Variants in DCK observed in about 807,000 individuals in gnomAD.
DCK encodes the protein deoxycytidine kinase, also known as deoxyadenosine kinase.
A neutral mutation model predicts 38.3 loss-of-function variants in DCK; 23 were observed. The observed-to-expected ratio is 0.60, with a 90% confidence interval of 0.43 to 0.85. DCK has a LOEUF of 0.85. DCK is among the 40% of genes least tolerant of loss of function. DCK has a pLI of 0.00. For synonymous variants in DCK, 108 were observed against 100.6 expected (o/e 1.07, Z -0.44); for missense variants, 259 against 304.4 (o/e 0.85, Z 1.11).
At chr4:70,998,005 C>A in intron 1 of DCK, 62 bp from the exon 2 acceptor site, 1 of 748,198 alleles carries the variant, frequency 1.3e-6, no homozygotes, top group Non-Finnish European at 2.2e-6. Flanking sequence ...AAGCTAATGA[C>A]TACTTGACAT....
chr4:70,993,990 C>A, intron 1 of DCK, 64 bp downstream of exon 1: 2 of 1,162,554 alleles, frequency 1.7e-6, no homozygotes, highest in Non-Finnish European at 2.6e-6. Context: ...TGAAGCTTCC[C>A]TTCGCCGCAT....
chr4:71,013,606 A>G (rs1029685138), intron 2 of DCK, among the ~76,000 whole-genome samples: 2 of 152,210 alleles, frequency 1.3e-5, no homozygotes, highest in Non-Finnish European at 2.9e-5. Context: ...GCCAATATTC[A>G]ACATTCTTAA....
At chr4:71,026,417 A>G (rs1047330488) in intron 5 of DCK, among the ~76,000 whole-genome samples, 2 of 151,958 alleles carry the variant, frequency 1.3e-5, no homozygotes, top group African/African-American at 4.8e-5. Context: ...ATTGACTGCT[A>G]TTTGTTTTTG....
Position 70,993,680 on chromosome 4 carries a change from C to A in DCK, c.-156C>A. 1.7e-6 allele frequency: 1 copy of A among 575,854 alleles called. No homozygotes were observed. The highest frequency in any genetic ancestry group is 3.0e-6 in the Non-Finnish European group (1 of 327,976). The allele number at this position is 575,854 out of a possible 1,614,324, so 35.7% of individuals were successfully genotyped here. A position where few individuals can be genotyped will look rare whatever the true frequency, so the allele number is the denominator to read the frequency against. On this transcript the variant is annotated 5_prime_UTR_variant, in exon 1 of 7. Coordinates refer to ENST00000286648, the MANE Select transcript of DCK (RefSeq NM_000788.3). ...CTCAGCTGCCTCCGCGCGCCAAAGT[C>A]AAACCCCGACACCCGCCGGCGGGCC...
chr4:71,023,027 A>T (rs1740467128), intron 3 of DCK, among the ~76,000 whole-genome samples: 1 of 152,180 alleles, frequency 6.6e-6, no homozygotes, highest in Non-Finnish European at 1.5e-5. Flanking sequence ...ATTCTTAATA[A>T]CTATCGAGGT....
chr4:71,007,990 G>C (rs1560682076), intron 2 of DCK, among the ~76,000 whole-genome samples: 1 of 152,202 alleles, frequency 6.6e-6, no homozygotes, highest in Admixed American at 6.5e-5. Context: ...GCCTCCCAGA[G>C]TGTTGGGATT....
chr4:70,998,371 T>C (rs745638207), intron 2 of DCK, among the ~76,000 whole-genome samples, 189 bp downstream of exon 2: 1 of 152,134 alleles, frequency 6.6e-6, no homozygotes, highest in African/African-American at 2.4e-5. Flanking sequence ...CAGATTGATA[T>C]GGATTCAACC....
At chr4:70,998,024 C>A in intron 1 of DCK, 43 bp from the exon 2 acceptor site, 1 of 1,055,088 alleles carries the variant, frequency 9.5e-7, no homozygotes, top group South Asian at 1.5e-5. Context: ...ATCTTTTTTT[C>A]CTGACAACTT....
Position 71,029,631 on chromosome 4 carries a change from G to T in DCK, c.*253G>T, listed in dbSNP as rs1030048088. 6 of 411,160 alleles carry T rather than the reference G, an allele frequency of 1.5e-5. No individual in the cohort carries two copies. The highest frequency in any genetic ancestry group is 2.6e-5 in the Non-Finnish European group (6 of 230,978). The allele number at this position is 411,160 out of a possible 1,614,324, so 25.5% of individuals were successfully genotyped here. ...ATAGCAGGAAATGTAGAGGTAGATG[G>T]TTCCAGTATCAGCATAGTGACTAAA... On this transcript the variant is annotated 3_prime_UTR_variant, in exon 7 of 7. Coordinates refer to ENST00000286648, the MANE Select transcript of DCK (RefSeq NM_000788.3).
chr4:71,002,903 T>A (rs1739846544), intron 2 of DCK, among the ~76,000 whole-genome samples: 1 of 151,524 alleles, frequency 6.6e-6, no homozygotes, highest in Non-Finnish European at 1.5e-5. Flanking sequence ...GGGTCTTAAC[T>A]CTGTCTAATT....
chr4:71,008,646 T>A (rs1396777544), intron 2 of DCK, among the ~76,000 whole-genome samples: 1 of 152,210 alleles, frequency 6.6e-6, no homozygotes, highest in African/African-American at 2.4e-5. Context: ...TAAACCAATG[T>A]TGGAAAATAG....
chr4:70,998,285 G>A (rs1185347572), intron 2 of DCK, 103 bp downstream of exon 2: 9 of 542,902 alleles, frequency 1.7e-5, no homozygotes, highest in South Asian at 3.2e-5. Context: ...TTCAAATCTC[G>A]CTTTAGGTAT....
At position 71,029,463 on chromosome 4, in the gene DCK, T is replaced by G. The variant is rs1740633951; in HGVS notation, c.*85T>G. Reference sequence around the variant, plus strand: ...GTAACTTCATATTAATATAAGTTTCTTTAGAAAACCCAAGTTTTTAATCGT... The same window carrying G: ...GTAACTTCATATTAATATAAGTTTCGTTAGAAAACCCAAGTTTTTAATCGT... On this transcript the variant is annotated 3_prime_UTR_variant, in exon 7 of 7. Transcript: ENST00000286648. 1.0e-6 allele frequency: 1 copy of G among 988,894 alleles called. No individual in the cohort carries two copies. The highest frequency in any genetic ancestry group is 1.7e-5 in the African/African-American group (1 of 60,544). 61.3% of individuals were successfully genotyped at this position (988,894 alleles called of 1,614,324 possible). A position where few individuals can be genotyped will look rare whatever the true frequency, so the allele number is the denominator to read the frequency against.
At chr4:70,998,468 A>G (rs1040466700) in intron 2 of DCK, among the ~76,000 whole-genome samples, 1 of 152,214 alleles carries the variant, frequency 6.6e-6, no homozygotes, top group Non-Finnish European at 1.5e-5. Context: ...TTTACATTGT[A>G]TTAAGTATTA....
chr4:70,996,942 A>C (rs1444221879), intron 1 of DCK, among the ~76,000 whole-genome samples: 1 of 152,208 alleles, frequency 6.6e-6, no homozygotes, highest in Non-Finnish European at 1.5e-5. Flanking sequence ...CCTTCATAGA[A>C]AATTAATTTA....
intron 2 of DCK, among the ~76,000 whole-genome samples, chr4:71,021,924 C>A (rs1300154994): frequency 6.6e-6 from 1 of 152,168 alleles, no homozygotes; most frequent in African/African-American, 2.4e-5. Context: ...ATTGCTTGAA[C>A]CTGGTAGGTG....
At chr4:71,010,702 T>TTA (rs908004752) in intron 2 of DCK, among the ~76,000 whole-genome samples, 66 of 147,780 alleles carry the variant, frequency 4.5e-4, no homozygotes, top group African/African-American at 1.5e-3. Flanking sequence ...ATAATATAAA[T>TTA]TATATATAAT....
intron 3 of DCK, 46 bp from the exon 4 acceptor site, chr4:71,023,513 G>GTTT: frequency 8.2e-7 from 1 of 1,212,168 alleles, no homozygotes; most frequent in Non-Finnish European, 1.1e-6. Context: ...TTTCTTTGTT[G>GTTT]TTTTTTTTTG....
chr4:71,018,497 T>C (rs190522955), intron 2 of DCK, among the ~76,000 whole-genome samples: 2,847 of 152,118 alleles, frequency 0.019, 190 homozygotes, highest in Admixed American at 0.13. Flanking sequence ...GTTTTTTTTT[T>C]CCCACAAATG....
Sources: gnomAD v4.1 joint callset for allele counts (sites outside exome capture counted in the v4.1 genomes callset) on GRCh38, gnomAD v4.1.1 for gene constraint, MANE v1.5 for transcripts, NCBI Gene and HGNC (gene_info 2026-07-23, HGNC 2026-07-21) for gene names.